Variants in KANSL1L observed in about 807,000 individuals in gnomAD.
KANSL1L encodes the protein KAT8 regulatory NSL complex subunit 1-like protein.
Under a neutral mutation model 108.6 loss-of-function variants are expected in KANSL1L, and 25 were observed. That is an observed-to-expected ratio of 0.23 (90% CI 0.17 to 0.32). The LOEUF (loss-of-function observed/expected upper bound fraction) is 0.32, where lower values mean the gene tolerates loss of function less well. Among genes scored for constraint, KANSL1L ranks in the 10% least tolerant of loss-of-function variants. The probability of loss-of-function intolerance (pLI) is 1.00; values close to 1 mark genes in which losing one functional copy is unlikely to be tolerated. For synonymous variants in KANSL1L, 405 were observed against 395.1 expected, an observed-to-expected ratio of 1.03 and a Z score of -0.30; for missense variants, 1,137 against 1,125.7, an observed-to-expected ratio of 1.01 and a Z score of -0.14.
chr2:210,023,490 ATCTT>A (rs1465846328), intron 14 of KANSL1L, among the ~76,000 whole-genome samples: 1 of 152,144 alleles, frequency 6.6e-6, no homozygotes, highest in Non-Finnish European at 1.5e-5. Context: ...CTTCTACAGT[ATCTT>A]CATTTTCATT....
At chr2:210,144,980 TCTC>T (rs1575611337) in intron 2 of KANSL1L, among the ~76,000 whole-genome samples, 1 of 152,146 alleles carries the variant, frequency 6.6e-6, no homozygotes, top group African/African-American at 2.4e-5. Flanking sequence ...GAAAAAAACT[TCTC>T]CTTCAGGTGG....
At chr2:210,045,337 T>A (rs1169557863) in intron 6 of KANSL1L, among the ~76,000 whole-genome samples, 1 of 152,210 alleles carries the variant, frequency 6.6e-6, no homozygotes, top group African/African-American at 2.4e-5. Flanking sequence ...ACAATGTGCA[T>A]CCTTAGCCAG....
chr2:210,062,622 C>T (rs1183598529), intron 6 of KANSL1L, among the ~76,000 whole-genome samples: 1 of 152,140 alleles, frequency 6.6e-6, no homozygotes, highest in African/African-American at 2.4e-5. Context: ...AGATAAGGAA[C>T]TTGTTGGGAA....
intron 2 of KANSL1L, among the ~76,000 whole-genome samples, chr2:210,147,958 C>T (rs931347936): frequency 6.6e-6 from 1 of 152,114 alleles, no homozygotes; most frequent in African/African-American, 2.4e-5. Flanking sequence ...TAATTATTTT[C>T]TATTTTTTAA....
chr2:210,097,448 T>C (rs2094747948), intron 5 of KANSL1L: 1 of 276,134 alleles, frequency 3.6e-6, no homozygotes, highest in African/African-American at 2.3e-5. Flanking sequence ...CATAAAATGA[T>C]ATTCTATTGG....
chr2:210,070,224 C>T (rs374721401), intron 6 of KANSL1L, among the ~76,000 whole-genome samples: 44 of 77,548 alleles, frequency 5.7e-4, no homozygotes, highest in African/African-American at 1.0e-3. Context: ...TTTCTCCGTT[C>T]TTTTTTTTTT....
At chr2:210,027,078 TTTAAA>T (rs1306529610) in intron 12 of KANSL1L, among the ~76,000 whole-genome samples, 1 of 152,138 alleles carries the variant, frequency 6.6e-6, no homozygotes, top group African/African-American at 2.4e-5. Flanking sequence ...GCCTTGGCTT[TTTAAA>T]TTATTGTGTA....
rs944703600 is a variant in KANSL1L at position 210,021,475 on chromosome 2, C to T, written c.*1474G>A. 9 of 152,590 alleles carry T rather than the reference C, an allele frequency of 5.9e-5. No homozygotes were observed. The highest frequency in any genetic ancestry group is 3.9e-4 in the East Asian group (2 of 5,192). 9.5% of individuals were successfully genotyped at this position (152,590 alleles called of 1,614,324 possible). On this transcript the variant is annotated 3_prime_UTR_variant, in exon 15 of 15. Transcript: ENST00000281772. ...TTACATAGAAGATTATAATATCAGA[C>T]GTGACAAAGATTTGAGTTTATTTGC... is the stretch of plus-strand genomic sequence containing the variant.
At chr2:210,144,542 G>A (rs1466446110) in intron 2 of KANSL1L, among the ~76,000 whole-genome samples, 2 of 152,050 alleles carry the variant, frequency 1.3e-5, no homozygotes, top group Admixed American at 6.6e-5. Flanking sequence ...CAAATAACCT[G>A]TATTTGAGTT....
intron 6 of KANSL1L, among the ~76,000 whole-genome samples, chr2:210,061,880 T>C (rs981789700): frequency 1.3e-5 from 2 of 152,212 alleles, no homozygotes; most frequent in Non-Finnish European, 2.9e-5. Flanking sequence ...GAAATCAAGC[T>C]TATGAAAGAT....
chr2:210,079,458 T>C (rs1420476535), intron 5 of KANSL1L, among the ~76,000 whole-genome samples: 8 of 150,518 alleles, frequency 5.3e-5, no homozygotes. Flanking sequence ...TAGCTGGCCC[T>C]GGTGGCCCAT....
chr2:210,172,241 A>T (rs754837497), upstream of KANSL1L, among the ~76,000 whole-genome samples: 2 of 152,120 alleles, frequency 1.3e-5, no homozygotes, highest in African/African-American at 2.4e-5. Context: ...TTAAAACTGA[A>T]CTCTAAATGT....
At chr2:210,024,501 A>AAGTGACT (rs1470942821) in intron 13 of KANSL1L, among the ~76,000 whole-genome samples, 2 of 152,116 alleles carry the variant, frequency 1.3e-5, no homozygotes, top group Non-Finnish European at 2.9e-5. Flanking sequence ...TCCTTAACTA[A>AAGTGACT]AGTGACTACC....
chr2:210,079,650 A>ATGTG (rs1296415684), intron 5 of KANSL1L, among the ~76,000 whole-genome samples: 13 of 19,522 alleles, frequency 6.7e-4, no homozygotes, highest in Admixed American at 2.1e-3. Flanking sequence ...ATATATATAT[A>ATGTG]TATATATATA....
chr2:210,114,662 GT>G (rs1174182994), intron 3 of KANSL1L, among the ~76,000 whole-genome samples: 1 of 152,080 alleles, frequency 6.6e-6, no homozygotes, highest in Non-Finnish European at 1.5e-5. Flanking sequence ...AGCTAGACTT[GT>G]GGTAACTTTG....
intron 5 of KANSL1L, among the ~76,000 whole-genome samples, chr2:210,084,831 C>T (rs965220818): frequency 2.0e-5 from 3 of 152,028 alleles, no homozygotes; most frequent in African/African-American, 4.8e-5. Context: ...AGGATGGTCT[C>T]GATCTCTTGA....
chr2:210,132,362 T>C (rs1425725971), intron 2 of KANSL1L, among the ~76,000 whole-genome samples: 1 of 152,010 alleles, frequency 6.6e-6, no homozygotes, highest in Non-Finnish European at 1.5e-5. Context: ...ACTCCCTGAA[T>C]CTTTCTAGAG....
chr2:210,097,003 G>T (rs2094742917), intron 5 of KANSL1L: 1 of 179,398 alleles, frequency 5.6e-6, no homozygotes, highest in South Asian at 1.9e-4. Flanking sequence ...GAGTGCAGTG[G>T]TGTGATCTTG....
chr2:210,080,655 A>G lies in KANSL1L; in HGVS notation c.1551-4899T>C, dbSNP rs575614569. Among the ~76,000 whole-genome samples the G allele has an allele frequency of 3.3e-5, 5 of 152,380 alleles. No individual in the cohort carries two copies. The South Asian group carries it at 1.0e-3, about 32-fold the overall frequency. On this transcript the variant is annotated intron_variant, in intron 5 of 14. Coordinates refer to ENST00000281772, the MANE Select transcript of KANSL1L (RefSeq NM_152519.4). ...CTAACTGACACCAAGTAGCCAAAAC[A>G]TACCATACACTAGACACCTTAACAA...
Sources: allele counts gnomAD v4.1 joint callset (sites outside exome capture counted in the v4.1 genomes callset), GRCh38; gene constraint gnomAD v4.1.1; transcripts MANE v1.5; gene names NCBI Gene and HGNC (gene_info 2026-07-23, HGNC 2026-07-21).